Variants in ANKAR observed in about 807,000 individuals in gnomAD.
ANKAR encodes the protein ankyrin and armadillo repeat-containing protein.
In ANKAR, 136 loss-of-function variants were observed where a neutral mutation model predicts 146.2. That is an observed-to-expected ratio of 0.93 (90% confidence interval 0.81 to 1.07). The LOEUF is 1.07. Among genes scored for constraint, ANKAR ranks in the 50% least tolerant of loss-of-function variants. The pLI, the probability that ANKAR is intolerant of heterozygous loss-of-function variation, is 0.00. For missense variants in ANKAR, 1,567 were observed against 1,679.9 expected, an observed-to-expected ratio of 0.93 and a Z score of 1.18; for synonymous variants, 500 against 575.8, an observed-to-expected ratio of 0.87 and a Z score of 1.88.
At chr2:189,762,552 G>A (rs895963496), downstream of ANKAR, 24 of 974,632 alleles carry the variant, frequency 2.5e-5, no homozygotes, top group Non-Finnish European at 2.7e-5. Flanking sequence ...CAAGAAAGCT[G>A]CAGGCTGAAC....
intron 10 of ANKAR, among the ~76,000 whole-genome samples, chr2:189,711,679 C>T (rs554948889): frequency 2.6e-4 from 39 of 152,264 alleles, no homozygotes; most frequent in African/African-American, 8.7e-4. Context: ...CCAGCATGAT[C>T]GGCGCAGAAG....
chr2:189,739,130 G>A (rs1306703281), intron 19 of ANKAR, among the ~76,000 whole-genome samples: 1 of 152,164 alleles, frequency 6.6e-6, no homozygotes, highest in Non-Finnish European at 1.5e-5. Context: ...AAGCAAGATG[G>A]TCCCATAGCG....
At chr2:189,762,994 T>C, downstream of ANKAR, 1 of 985,298 alleles carries the variant, frequency 1.0e-6, no homozygotes, top group African/African-American at 1.7e-5. Flanking sequence ...CGAATACAGG[T>C]TTGTCTGACT....
In ANKAR at chr2:189,720,372, C is replaced by T. The variant is rs529408650; in HGVS notation, c.2467-247C>T. On this transcript the variant is annotated intron_variant, in intron 11 of 22. Transcript: ENST00000684021. The stretch of plus-strand genomic sequence containing the variant: ...AAGTGATTCTCCTGCCTCATCCTCC[C>T]GAGTAGCTGGAACTACAGGCACGTG... Among the ~76,000 whole-genome samples the T allele has an allele frequency of 7.9e-5, 12 of 152,144 alleles. 1 individual carries two copies. In the South Asian group the frequency reaches 1.2e-3, roughly 16 times the overall value.
Position 189,718,819 on chromosome 2 carries a change from G to A in ANKAR, c.2225-753G>A, listed in dbSNP as rs550586598. Among the ~76,000 whole-genome samples the A allele has an allele frequency of 6.1e-5, 9 of 147,314 alleles. No individual in the cohort carries two copies. In the East Asian group the frequency reaches 1.2e-3, roughly 20 times the overall value. ...CTGCGGACTGCAGTGGCGCAATCTC[G>A]GCTCACTGCAAGCTCCGCTTCCCGG... On this transcript the variant is annotated intron_variant, in intron 10 of 22. Coordinates refer to ENST00000684021, the MANE Select transcript of ANKAR (RefSeq NM_001378068.1).
intron 7 of ANKAR, among the ~76,000 whole-genome samples, chr2:189,703,602 G>C (rs765359877): frequency 3.3e-5 from 5 of 152,142 alleles, no homozygotes; most frequent in Admixed American, 1.3e-4. Flanking sequence ...GAAGAAATCA[G>C]ATCTAGAGAC....
intron 18 of ANKAR, chr2:189,754,564 G>T (rs184023176): frequency 6.3e-4 from 315 of 499,840 alleles, no homozygotes; most frequent in African/African-American, 5.4e-3. Flanking sequence ...CACTGCCCCT[G>T]TCTATGTTTG....
chr2:189,725,667 C>T (rs2041804077), intron 12 of ANKAR, among the ~76,000 whole-genome samples: 1 of 152,098 alleles, frequency 6.6e-6, no homozygotes, highest in African/African-American at 2.4e-5. Flanking sequence ...CAGCACTTTG[C>T]GGGGCCAAGA....
Position 189,705,265 on chromosome 2 carries a change from T to C in ANKAR, c.1910+41T>C, listed in dbSNP as rs546094611. The C allele has an allele frequency of 3.9e-5, 58 of 1,480,478 alleles. 1 individual carries two copies. The East Asian group carries it at 1.3e-3, about 33-fold the overall frequency. The allele number at this position is 1,480,478 out of a possible 1,614,324, so 91.7% of individuals were successfully genotyped here. On this transcript the variant is annotated intron_variant, in intron 8 of 22. Coordinates refer to ENST00000684021, the MANE Select transcript of ANKAR (RefSeq NM_001378068.1). The stretch of plus-strand genomic sequence containing the variant: ...TTTATATCAGGTTGAGGTTGATGTC[T>C]AGGCAATAATAAAAAAAAAAGAAGA...
chr2:189,755,527 C>T (rs1259640741), intron 18 of ANKAR: 1 of 1,601,616 alleles, frequency 6.2e-7, no homozygotes, highest in South Asian at 1.1e-5. Flanking sequence ...CTCTGTGAAG[C>T]TGTTGAGCTG....
chr2:189,692,806 C>T (rs1345276694), intron 4 of ANKAR: 2 of 260,270 alleles, frequency 7.7e-6, no homozygotes, highest in Non-Finnish European at 1.4e-5. Context: ...AATTTTGGAA[C>T]AGTAATTCTT....
Position 189,709,904 on chromosome 2 carries a change from G to T in ANKAR, c.2120-1145G>T, listed in dbSNP as rs541015009. On this transcript the variant is annotated intron_variant, in intron 9 of 22. Coordinates refer to ENST00000684021, the MANE Select transcript of ANKAR (RefSeq NM_001378068.1). Reference sequence around the variant, plus strand: ...CCCCTAACAGGAATGGCCTAAAAGCGCATAAAAATTCACCAGGGCTGCTGC... The same window carrying T: ...CCCCTAACAGGAATGGCCTAAAAGCTCATAAAAATTCACCAGGGCTGCTGC... 2.5e-4 allele frequency among the ~76,000 whole-genome samples: 38 copies of T among 152,250 alleles called. 1 individual carries two copies. The highest frequency in any genetic ancestry group is 2.5e-3 in the Admixed American group (38 of 15,294).
At chr2:189,761,945 A>C (rs550073859), downstream of ANKAR, among the ~76,000 whole-genome samples, 16 of 152,344 alleles carry the variant, frequency 1.1e-4, no homozygotes, top group Non-Finnish European at 1.9e-4. Context: ...ACAATAATTG[A>C]TAGAGTCCTC....
intron 2 of ANKAR, among the ~76,000 whole-genome samples, chr2:189,678,346 T>C (rs2105728798): frequency 6.6e-6 from 1 of 152,356 alleles, no homozygotes; most frequent in East Asian, 1.9e-4. Context: ...ATTAGTCCTT[T>C]GTTGGAAGCA....
intron 10 of ANKAR, among the ~76,000 whole-genome samples, chr2:189,718,993 C>T (rs1051220157): frequency 2.7e-4 from 41 of 152,026 alleles, no homozygotes; most frequent in Non-Finnish European, 5.4e-4. Context: ...TCATGATCCA[C>T]CCGCCTCGGC....
chr2:189,724,716 G>T (rs1286779866), intron 12 of ANKAR, among the ~76,000 whole-genome samples: 1 of 152,126 alleles, frequency 6.6e-6, no homozygotes, highest in Non-Finnish European at 1.5e-5. Context: ...GGCCTTAATA[G>T]AGAGATAATT....
At position 189,742,890 on chromosome 2, in the gene ANKAR, ACAC is replaced by A. The variant is rs1166568387; in HGVS notation, c.3811-384_3811-382del. Reference sequence around the variant, plus strand: ...GACACACACACACACACACACACACACACTAGAATTACCTGACACACACACACA... The same window carrying A: ...GACACACACACACACACACACACACATAGAATTACCTGACACACACACACA... On this transcript the variant is annotated intron_variant, in intron 20 of 22. Transcript: ENST00000684021. 3.3e-5 allele frequency among the ~76,000 whole-genome samples: 4 copies of A among 122,794 alleles called. 1 individual carries two copies. Among genetic ancestry groups the A allele is most frequent in the African/African-American group, 1.3e-4 (4 of 29,826 alleles). The allele number at this position is 122,794 out of a possible 152,430, so 80.6% of individuals were successfully genotyped here. A position where few individuals can be genotyped will look rare whatever the true frequency, so the allele number is the denominator to read the frequency against.
chr2:189,706,444 G>A (rs1010278020), intron 8 of ANKAR, among the ~76,000 whole-genome samples: 1 of 151,990 alleles, frequency 6.6e-6, no homozygotes, highest in Non-Finnish European at 1.5e-5. Flanking sequence ...TATTGCACTG[G>A]ATAGCCAAAC....
At chr2:189,758,284 G>A (rs569089656) in intron 18 of ANKAR, among the ~76,000 whole-genome samples, 77 of 152,228 alleles carry the variant, frequency 5.1e-4, no homozygotes, top group African/African-American at 1.6e-3. Flanking sequence ...TGAAGGCTGA[G>A]GGGGGAGAAT....
Sources: gnomAD v4.1 joint callset for allele counts (sites outside exome capture counted in the v4.1 genomes callset) on GRCh38, gnomAD v4.1.1 for gene constraint, MANE v1.5 for transcripts, NCBI Gene and HGNC (gene_info 2026-07-23, HGNC 2026-07-21) for gene names.